The following UNC45B variants were observed in gnomAD, a reference collection of about 807,000 sequenced individuals.
The protein encoded by UNC45B is protein unc-45 homolog B.
Under a neutral mutation model 98.7 loss-of-function variants are expected in UNC45B, and 78 were observed. The observed-to-expected ratio is 0.79, with a 90% CI of 0.66 to 0.95. The LOEUF (loss-of-function observed/expected upper bound fraction) is 0.95, where lower values mean the gene tolerates loss of function less well. Ranked by LOEUF, UNC45B falls within the 40% of genes least tolerant of loss-of-function variation. The pLI is 0.00. For synonymous variants in UNC45B, 462 were observed against 480.4 expected (o/e 0.96, Z 0.50); for missense variants, 1,225 against 1,184.9 (o/e 1.03, Z -0.50).
chr17:35,181,409 T>C (rs1354176131), intron 18 of UNC45B, among the ~76,000 whole-genome samples: 1 of 152,160 alleles, frequency 6.6e-6, no homozygotes, highest in Non-Finnish European at 1.5e-5. Flanking sequence ...GGCCCTCACA[T>C]AGGGGCTAGC....
At position 35,188,678 on chromosome 17, in the gene UNC45B, T is replaced by A. The variant is rs2092317284; in HGVS notation, c.*2119T>A. The A allele has an allele frequency of 6.6e-6, 1 of 152,206 alleles. No individual in the cohort carries two copies. The highest frequency in any genetic ancestry group is 1.5e-5 in the Non-Finnish European group (1 of 68,048). The allele number at this position is 152,206 out of a possible 1,614,324, so 9.4% of individuals were successfully genotyped here. Reference sequence around the variant, plus strand: ...TTTTTGTAGAGACAGGGTCTCACTATGTTGCCCAGTCTGGGAGACCACATT... The same window carrying A: ...TTTTTGTAGAGACAGGGTCTCACTAAGTTGCCCAGTCTGGGAGACCACATT... On this transcript the variant is annotated 3_prime_UTR_variant, in exon 20 of 20. Transcript: ENST00000394570.
Position 35,169,738 on chromosome 17 carries a change from G to A in UNC45B, c.1453-99G>A, listed in dbSNP as rs73989553. 4.1e-3 allele frequency: 4,162 copies of A among 1,014,552 alleles called. 111 individuals carry two copies. In the African/African-American group the frequency reaches 0.058, roughly 14 times the overall value. The allele number at this position is 1,014,552 out of a possible 1,614,324, so 62.8% of individuals were successfully genotyped here. A position where few individuals can be genotyped will look rare whatever the true frequency, so the allele number is the denominator to read the frequency against. Reference sequence around the variant, plus strand: ...TGGATCCAAGCAAAGAAAGAGGGGCGAAGTGTTCTGGCCATAGAAACCTGT... The same window carrying A: ...TGGATCCAAGCAAAGAAAGAGGGGCAAAGTGTTCTGGCCATAGAAACCTGT... On this transcript the variant is annotated intron_variant, in intron 10 of 19. Transcript: ENST00000394570.
intron 19 of UNC45B, 122 bp from the exon 20 acceptor site, chr17:35,186,177 C>A: frequency 7.7e-7 from 1 of 1,292,404 alleles, no homozygotes; most frequent in Non-Finnish European, 1.1e-6. Context: ...TCTTAATGAC[C>A]TAATTACCTC....
rs931385513 is a variant in UNC45B, at chr17:35,174,435, A to C, written c.1958+66A>C. 20 of 1,601,574 alleles carry C rather than the reference A, an allele frequency of 1.2e-5. No individual in the cohort carries two copies. In the African/African-American group the frequency reaches 2.5e-4, roughly 20 times the overall value. ...GGCCGAGGGTCCTGGAGTGCAGCAC[A>C]CTGGGCAGGGAGATAGAAATGGTGG... On this transcript the variant is annotated intron_variant, in intron 14 of 19. Transcript: ENST00000394570.
intron 6 of UNC45B, 81 bp from the exon 7 acceptor site, chr17:35,155,215 A>C: frequency 1.0e-5 from 16 of 1,525,770 alleles, no homozygotes; most frequent in Non-Finnish European, 1.4e-5. Flanking sequence ...GGTGGGGAGG[A>C]TTATCACACC....
intron 19 of UNC45B, 39 bp downstream of exon 19, chr17:35,183,621 T>C (rs751361002): frequency 6.8e-7 from 1 of 1,460,254 alleles, no homozygotes; most frequent in Non-Finnish European, 9.1e-7. Flanking sequence ...GCTGGGTGGC[T>C]CCAGGGAATC....
chr17:35,159,376 C>T lies in UNC45B; in HGVS notation c.810C>T (p.Asp270=). ...HRGKEEALVL[D]TKKDLKQITS... is the part of the protein sequence containing the mutation. ...TTACCCCGTCCTCTTTTTCTTCAGA[C>T]ACCAAGAAGGACCTGAAGCAGATCA... is the stretch of plus-strand genomic sequence containing the variant. Residue 270 remains aspartate, a splice_region_variant and synonymous_variant, in exon 8 of 20, where the codon GAC becomes GAT. Transcript: ENST00000394570. 1 of 1,611,250 alleles carries T rather than the reference C, an allele frequency of 6.2e-7. No individual in the cohort carries two copies. The highest frequency in any genetic ancestry group is 1.1e-5 in the South Asian group (1 of 90,852).
At chr17:35,178,384 C>T (rs1037314329) in intron 17 of UNC45B, among the ~76,000 whole-genome samples, 10 of 151,830 alleles carry the variant, frequency 6.6e-5, no homozygotes, top group East Asian at 1.9e-4. Context: ...CTTTTTGATG[C>T]GGTTGTTTTT....
rs372899373 is a variant in UNC45B at position 35,150,032 on chromosome 17, C to T, written c.206-16C>T. 11 of 1,578,322 alleles carry T rather than the reference C, an allele frequency of 7.0e-6. No individual in the cohort carries two copies. Among genetic ancestry groups the T allele is most frequent in the East Asian group, 4.5e-5 (2 of 44,138 alleles). On this transcript the variant is annotated splice_polypyrimidine_tract_variant and intron_variant, in intron 3 of 19. Transcript: ENST00000394570. Reference sequence around the variant, plus strand: ...CTGGCTCCCTAAGGTCCTCATCCCCCGTCTCCCCTCGATAGCCATCGACAT... The same window carrying T: ...CTGGCTCCCTAAGGTCCTCATCCCCTGTCTCCCCTCGATAGCCATCGACAT...
Position 35,148,339 on chromosome 17 carries a change from A to G in UNC45B, c.76A>G (p.Thr26Ala). The change falls in exon 2 of 20, where the codon ACA (threonine) becomes GCA (alanine). Residue 26 changes from threonine (T) to alanine (A), a missense_variant. Thr to Ala is a moderately conservative substitution (Grantham distance 58, BLOSUM62 0). Transcript: ENST00000394570. ...CCAGCTCCAGGACTACAAGGCCGCC[A>G]CAAATAGCTACAGCCAGGCCCTGAA... is the stretch of plus-strand genomic sequence containing the variant. ...HFQLQDYKAATNSYSQALKLT... is the reference protein window; with the variant it reads ...HFQLQDYKAAANSYSQALKLT... The G allele has an allele frequency of 6.2e-7, 1 of 1,614,174 alleles. No individual in the cohort carries two copies. Among genetic ancestry groups the G allele is most frequent in the Non-Finnish European group, 8.5e-7 (1 of 1,180,028 alleles).
rs201660389 is a variant in UNC45B at position 35,168,209 on chromosome 17, C to A, written c.1300C>A (p.Arg434Ser). 2 of 1,598,244 alleles carry A rather than the reference C, an allele frequency of 1.3e-6. No homozygotes were observed. The highest frequency in any genetic ancestry group is 2.2e-5 in the South Asian group (2 of 88,962). The stretch of plus-strand genomic sequence containing the variant: ...GATGGTGGCACTATGTGGCTCAGAG[C>A]GCGAGACGGACCAGCTGGTGGCCGT... ...EMMVALCGSERETDQLVAVEA... is the reference protein window; with the variant it reads ...EMMVALCGSESETDQLVAVEA... The change falls in exon 10 of 20, where the codon CGC becomes AGC. Residue 434 changes from arginine (R) to serine (S), a missense_variant. Physicochemically the swap from Arg to Ser is moderately radical, Grantham distance 110. Transcript: ENST00000394570.
chr17:35,162,830 T>C (rs1049906839), intron 8 of UNC45B, among the ~76,000 whole-genome samples: 3 of 152,080 alleles, frequency 2.0e-5, no homozygotes, highest in Non-Finnish European at 2.9e-5. Flanking sequence ...TCCTAACATC[T>C]AGAGTTTCAT....
chr17:35,148,123 G>C, intron 1 of UNC45B, 141 bp from the exon 2 acceptor site: 1 of 888,980 alleles, frequency 1.1e-6, no homozygotes, highest in Non-Finnish European at 1.7e-6. Flanking sequence ...TGGGGGTTCT[G>C]GGGGTGGGTC....
intron 15 of UNC45B, among the ~76,000 whole-genome samples, chr17:35,176,554 C>T (rs1174134362): frequency 2.0e-5 from 3 of 152,246 alleles, no homozygotes; most frequent in South Asian, 4.2e-4. Context: ...GTGGCGTGCA[C>T]CTGTAATCTC....
chr17:35,151,960 A>T (rs1233888066), intron 4 of UNC45B, among the ~76,000 whole-genome samples: 1 of 152,152 alleles, frequency 6.6e-6, no homozygotes, highest in African/African-American at 2.4e-5. Context: ...ATAAATTAAA[A>T]ATAGGCTGGG....
chr17:35,154,148 A>G (rs983255496), intron 5 of UNC45B, among the ~76,000 whole-genome samples: 2 of 152,194 alleles, frequency 1.3e-5, no homozygotes, highest in Non-Finnish European at 2.9e-5. Flanking sequence ...TCCCCTGAAC[A>G]GGAAAATCAA....
chr17:35,188,483 T>C lies in UNC45B; in HGVS notation c.*1924T>C, dbSNP rs1427299284. On this transcript the variant is annotated 3_prime_UTR_variant, in exon 20 of 20. Transcript: ENST00000394570. Reference sequence around the variant, plus strand: ...TTGGAGAGACTTTTTTTTTTTTTTTTTTTGAGACAGGGTCTTGCTCTGTAA... The same window carrying C: ...TTGGAGAGACTTTTTTTTTTTTTTTCTTTGAGACAGGGTCTTGCTCTGTAA... The C allele has an allele frequency of 1.1e-4, 16 of 151,778 alleles. 1 individual carries two copies. The highest frequency in any genetic ancestry group is 7.2e-4 in the Admixed American group (11 of 15,190). 9.4% of individuals were successfully genotyped at this position (151,778 alleles called of 1,614,324 possible).
At chr17:35,173,904 CG>C (rs2092207769) in intron 13 of UNC45B, among the ~76,000 whole-genome samples, 1 of 151,386 alleles carries the variant, frequency 6.6e-6, no homozygotes, top group Non-Finnish European at 1.5e-5. Context: ...GCTCTGCCCC[CG>C]GGTTCATGCC....
At chr17:35,180,727 G>A (rs746131080) in intron 18 of UNC45B, 51 bp downstream of exon 18, 1 of 1,458,764 alleles carries the variant, frequency 6.9e-7, no homozygotes, top group Admixed American at 1.7e-5. Context: ...GGCACGAGAG[G>A]CAGGCCAGGG....
Sources: allele counts gnomAD v4.1 joint callset (sites outside exome capture counted in the v4.1 genomes callset), GRCh38; gene constraint gnomAD v4.1.1; transcripts MANE v1.5; gene names NCBI Gene and HGNC (gene_info 2026-07-23, HGNC 2026-07-21).